SORCS3: variants seen among roughly 807,000 people sequenced by gnomAD.
SORCS3 encodes sortilin related VPS10 domain containing receptor 3, also known as VPS10 domain-containing receptor SorCS3.
Under a neutral mutation model 146.3 loss-of-function variants are expected in SORCS3, and 57 were observed. That is an observed-to-expected ratio of 0.39 (90% CI 0.31 to 0.49). The LOEUF is 0.49. SORCS3 is among the 20% of genes least tolerant of loss of function. The probability of loss-of-function intolerance (pLI) is 0.92; values close to 1 mark genes in which losing one functional copy is unlikely to be tolerated. For synonymous variants in SORCS3, 653 were observed against 618.5 expected (o/e 1.06, Z -0.83); for missense variants, 1,341 against 1,575.5 (o/e 0.85, Z 2.52).
intron 3 of SORCS3, among the ~76,000 whole-genome samples, chr10:104,927,070 T>A (rs11192234): frequency 0.043 from 6,502 of 152,320 alleles, 408 homozygotes; most frequent in African/African-American, 0.14. Context: ...CAATATCTTT[T>A]AAAATTTTTA....
intron 4 of SORCS3, among the ~76,000 whole-genome samples, chr10:104,982,019 A>C (rs918870723): frequency 1.3e-5 from 2 of 152,196 alleles, no homozygotes; most frequent in African/African-American, 2.4e-5. Flanking sequence ...GCTAGCACAC[A>C]TAATGAAGGG....
At chr10:104,970,636 GA>G (rs1012792964) in intron 3 of SORCS3, among the ~76,000 whole-genome samples, 2 of 151,986 alleles carry the variant, frequency 1.3e-5, no homozygotes, top group East Asian at 3.9e-4. Flanking sequence ...ACACATGAGT[GA>G]AAAAAAGTCA....
At chr10:105,246,296 G>A (rs1030095237) in intron 21 of SORCS3, among the ~76,000 whole-genome samples, 1 of 152,016 alleles carries the variant, frequency 6.6e-6, no homozygotes, top group African/African-American at 2.4e-5. Flanking sequence ...GACACAACCA[G>A]TATCACTGTG....
chr10:105,252,891 A>G lies in SORCS3; in HGVS notation c.3222A>G (p.Glu1074=). The change falls in exon 23 of 27, where the codon GAA becomes GAG. Residue 1074 remains glutamate (E), a synonymous_variant. Transcript: ENST00000369701. ...KNLTERRKGN[E]GDLEQIVETL... Reference sequence around the variant, plus strand: ...TGACAGAGAGGAGGAAAGGCAATGAAGGGGACCTGGAACAAGTAAGTGAAA... The same window carrying G: ...TGACAGAGAGGAGGAAAGGCAATGAGGGGGACCTGGAACAAGTAAGTGAAA... 2.5e-6 allele frequency: 4 copies of G among 1,613,736 alleles called. No homozygotes were observed. The highest frequency in any genetic ancestry group is 3.4e-6 in the Non-Finnish European group (4 of 1,179,806).
intron 1 of SORCS3, among the ~76,000 whole-genome samples, chr10:104,738,110 G>T (rs886389520): frequency 6.6e-6 from 1 of 152,070 alleles, no homozygotes; most frequent in Admixed American, 6.5e-5. Context: ...ATTTCTGAGC[G>T]CTCTGTTCTG....
intron 3 of SORCS3, among the ~76,000 whole-genome samples, chr10:104,940,901 T>C (rs1199082412): frequency 1.3e-5 from 2 of 152,144 alleles, no homozygotes; most frequent in Non-Finnish European, 2.9e-5. Context: ...AAAGTTCATA[T>C]GGAACCAAAA....
At chr10:105,095,324 AGTG>A (rs1338252321) in intron 6 of SORCS3, among the ~76,000 whole-genome samples, 3 of 152,130 alleles carry the variant, frequency 2.0e-5, no homozygotes, top group Non-Finnish European at 4.4e-5. Flanking sequence ...GCCCCGGACA[AGTG>A]GTGGAGGAGC....
At chr10:104,920,092 G>T (rs1158754559) in intron 3 of SORCS3, among the ~76,000 whole-genome samples, 2 of 152,182 alleles carry the variant, frequency 1.3e-5, no homozygotes, top group Non-Finnish European at 2.9e-5. Flanking sequence ...GTTTAGATTT[G>T]GTTAGTACCC....
intron 2 of SORCS3, among the ~76,000 whole-genome samples, chr10:104,853,159 C>T (rs1397181835): frequency 1.3e-5 from 2 of 152,158 alleles, no homozygotes; most frequent in African/African-American, 4.8e-5. Context: ...GTTAGGCAGC[C>T]ATGGTGGCGG....
At chr10:104,952,255 GAAAAAAA>G (rs55880149) in intron 3 of SORCS3, among the ~76,000 whole-genome samples, 803 of 40,610 alleles carry the variant, frequency 0.02, 7 homozygotes, top group African/African-American at 0.054. Context: ...ATGAATGTTT[GAAAAAAA>G]AAAAAAAAAA....
intron 2 of SORCS3, among the ~76,000 whole-genome samples, chr10:104,887,148 C>G (rs1442781495): frequency 6.6e-6 from 1 of 152,092 alleles, no homozygotes; most frequent in Non-Finnish European, 1.5e-5. Flanking sequence ...AATTTAAAAC[C>G]TTCTGTGAAC....
At chr10:104,894,146 C>G (rs1262715546) in intron 2 of SORCS3, among the ~76,000 whole-genome samples, 9 of 152,148 alleles carry the variant, frequency 5.9e-5, no homozygotes, top group Admixed American at 3.3e-4. Flanking sequence ...CCACCCTTTG[C>G]TTTCTTATCA....
chr10:105,155,516 A>T (rs914137904), intron 9 of SORCS3, among the ~76,000 whole-genome samples: 1 of 152,242 alleles, frequency 6.6e-6, no homozygotes, highest in East Asian at 1.9e-4. Flanking sequence ...AAAGGCCTCC[A>T]TCAGGTAGAA....
intron 5 of SORCS3, among the ~76,000 whole-genome samples, chr10:105,072,131 A>G (rs770463537): frequency 3.3e-5 from 5 of 152,100 alleles, no homozygotes; most frequent in African/African-American, 4.8e-5. Flanking sequence ...CTGGGTTGCA[A>G]TTCAAATTCT....
Position 105,263,265 on chromosome 10 carries a change from G to A in SORCS3, c.3605-45G>A, listed in dbSNP as rs143516614. On this transcript the variant is annotated intron_variant, in intron 26 of 26. Coordinates refer to ENST00000369701, the MANE Select transcript of SORCS3 (RefSeq NM_014978.3). ...GAATAAAACTAAGATCCCTGCCCTTGTGGAACTCACATCCATTTCTCCCTG... is the reference window on the plus strand; with the variant it reads ...GAATAAAACTAAGATCCCTGCCCTTATGGAACTCACATCCATTTCTCCCTG... 66 of 1,590,612 alleles carry A rather than the reference G, an allele frequency of 4.1e-5. 1 individual carries two copies. In the East Asian group the frequency reaches 1.3e-3, roughly 32 times the overall value.
intron 8 of SORCS3, among the ~76,000 whole-genome samples, chr10:105,143,331 G>A (rs1481479101): frequency 6.6e-6 from 1 of 151,904 alleles, no homozygotes; most frequent in Non-Finnish European, 1.5e-5. Context: ...TATTCTGCAT[G>A]GCTCCTAGGT....
intron 4 of SORCS3, among the ~76,000 whole-genome samples, chr10:105,022,892 TTGA>T (rs1311487992): frequency 6.6e-6 from 1 of 152,192 alleles, no homozygotes; most frequent in Non-Finnish European, 1.5e-5. Flanking sequence ...CTAAGGTGCC[TTGA>T]TGATCACTGA....
At chr10:105,059,300 AATAC>A (rs998332529) in intron 5 of SORCS3, among the ~76,000 whole-genome samples, 3 of 152,200 alleles carry the variant, frequency 2.0e-5, no homozygotes, top group Non-Finnish European at 2.9e-5. Context: ...ATCTTTTCAA[AATAC>A]ATACACTCCC....
At chr10:105,061,787 G>A (rs2055489562) in intron 5 of SORCS3, among the ~76,000 whole-genome samples, 1 of 152,128 alleles carries the variant, frequency 6.6e-6, no homozygotes, top group Non-Finnish European at 1.5e-5. Context: ...TGATCCTATA[G>A]CACTTGTGTA....
Sources: allele counts gnomAD v4.1 joint callset (sites outside exome capture counted in the v4.1 genomes callset), GRCh38; gene constraint gnomAD v4.1.1; transcripts MANE v1.5; gene names NCBI Gene and HGNC (gene_info 2026-07-23, HGNC 2026-07-21).